The following SPAG16 variants were observed in gnomAD, a reference collection of about 807,000 sequenced individuals.
SPAG16 encodes the protein sperm associated antigen 16, also known as sperm-associated antigen 16 protein.
Under a neutral mutation model 80.4 loss-of-function variants are expected in SPAG16, and 86 were observed. That is an observed-to-expected ratio of 1.07 (90% CI 0.90 to 1.28). The LOEUF is 1.28. Among genes scored for constraint, SPAG16 ranks in the 50% most tolerant of loss-of-function variants. The pLI is 0.00. For synonymous variants in SPAG16, 294 were observed against 265.9 expected (o/e 1.11, Z -1.03); for missense variants, 870 against 765.3 (o/e 1.14, Z -1.61).
chr2:213,671,422 T>A (rs1366865122), intron 10 of SPAG16, among the ~76,000 whole-genome samples: 1 of 151,988 alleles, frequency 6.6e-6, no homozygotes, highest in Non-Finnish European at 1.5e-5. Flanking sequence ...GTAAGGAGCC[T>A]TGTTTTGGGG....
At chr2:213,773,140 AT>A (rs967355457) in intron 10 of SPAG16, among the ~76,000 whole-genome samples, 10 of 151,668 alleles carry the variant, frequency 6.6e-5, no homozygotes, top group African/African-American at 1.9e-4. Flanking sequence ...TCTTTTTATC[AT>A]TTTTTTAATT....
At chr2:214,305,713 TC>T (rs1223783756) in intron 15 of SPAG16, among the ~76,000 whole-genome samples, 1 of 152,168 alleles carries the variant, frequency 6.6e-6, no homozygotes, top group Non-Finnish European at 1.5e-5. Context: ...GGTTCTTGAT[TC>T]TGTTCCACTG....
intron 15 of SPAG16, among the ~76,000 whole-genome samples, chr2:214,379,021 A>T (rs1700294982): frequency 6.6e-6 from 1 of 152,114 alleles, no homozygotes; most frequent in Admixed American, 6.6e-5. Context: ...TCATCATACC[A>T]CCGTCTGGCT....
rs780965298 is a variant in SPAG16, at chr2:213,296,842, C to T, written c.184-420C>T. Among the ~76,000 whole-genome samples, 8 of 152,282 alleles carry T rather than the reference C, an allele frequency of 5.3e-5. No individual in the cohort carries two copies. The South Asian group carries it at 8.3e-4, about 16-fold the overall frequency. Reference sequence around the variant, plus strand: ...CATTAATCATAATTGCAATCCATCACGTCCTTTCAAGATTTTAATGCTCAG... The same window carrying T: ...CATTAATCATAATTGCAATCCATCATGTCCTTTCAAGATTTTAATGCTCAG... On this transcript the variant is annotated intron_variant, in intron 2 of 15. Coordinates refer to ENST00000331683, the MANE Select transcript of SPAG16 (RefSeq NM_024532.5).
chr2:213,905,131 C>G (rs1024164860), intron 11 of SPAG16, among the ~76,000 whole-genome samples: 2 of 152,076 alleles, frequency 1.3e-5, no homozygotes, highest in African/African-American at 4.8e-5. Flanking sequence ...GATCAAAAGA[C>G]TCGATGGATT....
chr2:214,409,596 G>A (rs1702184496), intron 15 of SPAG16, among the ~76,000 whole-genome samples: 1 of 152,036 alleles, frequency 6.6e-6, no homozygotes, highest in Non-Finnish European at 1.5e-5. Context: ...TGAAATGGAA[G>A]TATTTATTTC....
chr2:213,744,053 T>C (rs943938201), intron 10 of SPAG16, among the ~76,000 whole-genome samples: 7 of 152,214 alleles, frequency 4.6e-5, no homozygotes, highest in African/African-American at 1.4e-4. Flanking sequence ...TATTTGAGGC[T>C]AGAATGAAGG....
chr2:213,835,697 A>G (rs1336095503), intron 10 of SPAG16, among the ~76,000 whole-genome samples: 1 of 152,200 alleles, frequency 6.6e-6, no homozygotes, highest in African/African-American at 2.4e-5. Context: ...ATATAATAAT[A>G]TGTACTGATT....
chr2:214,033,694 A>G (rs1482481403), intron 13 of SPAG16, among the ~76,000 whole-genome samples: 1 of 152,042 alleles, frequency 6.6e-6, no homozygotes, highest in East Asian at 1.9e-4. Context: ...ATTTTTTTTT[A>G]TATTTTTCTC....
intron 9 of SPAG16, among the ~76,000 whole-genome samples, chr2:213,398,572 A>G (rs1211664977): frequency 6.6e-6 from 1 of 152,260 alleles, no homozygotes. Flanking sequence ...TTTCCTTCAG[A>G]TAATTCAGAT....
At chr2:214,017,693 G>T (rs1237568134) in intron 13 of SPAG16, among the ~76,000 whole-genome samples, 7 of 152,078 alleles carry the variant, frequency 4.6e-5, no homozygotes, top group Non-Finnish European at 1.5e-5. Flanking sequence ...GAAAAAGAGG[G>T]ATTCAGCACA....
chr2:213,947,890 T>A (rs2079544626), intron 12 of SPAG16, among the ~76,000 whole-genome samples: 1 of 152,080 alleles, frequency 6.6e-6, no homozygotes, highest in Admixed American at 6.5e-5. Context: ...CTTCAGCAAT[T>A]TTTCTTTTTC....
intron 10 of SPAG16, among the ~76,000 whole-genome samples, chr2:213,632,956 G>A (rs1347817726): frequency 6.6e-6 from 1 of 152,064 alleles, no homozygotes; most frequent in Non-Finnish European, 1.5e-5. Context: ...TCTTTGTCTG[G>A]TTTTGGCATC....
intron 9 of SPAG16, among the ~76,000 whole-genome samples, chr2:213,479,093 C>CTTTTTTT (rs1559173970): frequency 8.6e-6 from 1 of 115,654 alleles, no homozygotes; most frequent in African/African-American, 3.8e-5. Context: ...ACACTGGCTT[C>CTTTTTTT]CTTTTTTTTT....
chr2:213,824,512 G>T (rs1480417899), intron 10 of SPAG16, among the ~76,000 whole-genome samples: 1 of 152,132 alleles, frequency 6.6e-6, no homozygotes, highest in Non-Finnish European at 1.5e-5. Context: ...TTTCGCCTTT[G>T]TGTGTTCTTA....
intron 10 of SPAG16, among the ~76,000 whole-genome samples, chr2:213,572,263 T>G (rs1192045772): frequency 3.8e-5 from 3 of 79,182 alleles, no homozygotes; most frequent in African/African-American, 6.0e-5. Flanking sequence ...CCATCCAGCT[T>G]TGTTCTGTTG....
intron 10 of SPAG16, among the ~76,000 whole-genome samples, chr2:213,651,835 G>C (rs1017296770): frequency 2.0e-5 from 3 of 152,054 alleles, no homozygotes; most frequent in African/African-American, 4.8e-5. Flanking sequence ...TTTATAAATT[G>C]ACTTTCATTG....
chr2:214,267,957 A>G (rs947037888), intron 15 of SPAG16, among the ~76,000 whole-genome samples: 1 of 151,916 alleles, frequency 6.6e-6, no homozygotes, highest in Non-Finnish European at 1.5e-5. Flanking sequence ...ATATACAAGG[A>G]AATCAAACTA....
At chr2:213,986,754 T>C (rs917024186) in intron 12 of SPAG16, among the ~76,000 whole-genome samples, 1 of 151,778 alleles carries the variant, frequency 6.6e-6, no homozygotes, top group Non-Finnish European at 1.5e-5. Flanking sequence ...TACTACGTTG[T>C]GAAGTTGGGA....
Sources: gnomAD v4.1 joint callset for allele counts (sites outside exome capture counted in the v4.1 genomes callset) on GRCh38, gnomAD v4.1.1 for gene constraint, MANE v1.5 for transcripts, NCBI Gene and HGNC (gene_info 2026-07-23, HGNC 2026-07-21) for gene names.